The following CCKAR variants were observed in gnomAD, a reference collection of about 807,000 sequenced individuals.
CCKAR encodes cholecystokinin receptor type A.
Under a neutral mutation model 29.8 loss-of-function variants are expected in CCKAR, and 21 were observed. The ratio of observed to expected loss-of-function variants is 0.70; its 90% CI spans 0.50 to 1.01. CCKAR has a LOEUF of 1.01. Among genes scored for constraint, CCKAR ranks in the 50% least tolerant of loss-of-function variants. CCKAR has a pLI of 0.00. For missense variants in CCKAR, 570 were observed against 560.6 expected, an observed-to-expected ratio of 1.02 and a Z score of -0.17; for synonymous variants, 238 against 221.3, an observed-to-expected ratio of 1.08 and a Z score of -0.67.
chr4:26,483,890 T>A (rs1310211619), intron 3 of CCKAR, among the ~76,000 whole-genome samples: 1 of 152,234 alleles, frequency 6.6e-6, no homozygotes, highest in Non-Finnish European at 1.5e-5. Flanking sequence ...GTATACCATT[T>A]GCCAAACAAC....
In CCKAR at chr4:26,489,486, T is replaced by C; in HGVS notation, c.113-2A>G. 6.2e-7 allele frequency: 1 copy of C among 1,613,136 alleles called. No individual in the cohort carries two copies. The highest frequency in any genetic ancestry group is 8.5e-7 in the Non-Finnish European group (1 of 1,179,202). On this transcript the variant is annotated splice_acceptor_variant, in intron 1 of 4. Transcript: ENST00000295589. LOFTEE classifies it high-confidence loss of function. The stretch of plus-strand genomic sequence containing the variant: ...GAATCTGCACCGCTGGCTGCCACTC[T>C]GCAGAGAGAAACAGGAGCAAGACGG...
chr4:26,485,826 G>T lies in CCKAR; in HGVS notation c.437C>A (p.Pro146His). Residue 146 changes from proline to histidine, a missense_variant, in exon 3 of 5, where the codon CCC (proline) becomes CAC (histidine). Pro to His is a moderately conservative substitution (Grantham distance 77). Coordinates refer to ENST00000295589, the MANE Select transcript of CCKAR (RefSeq NM_000730.3). Reference protein sequence around the residue: ...SLERYGAICKPLQSRVWQTKS... With the variant: ...SLERYGAICKHLQSRVWQTKS... ...TGTCTGCCAGACCCGGGACTGTAAG[G>T]GTTTGCAAATCGCACCATATCTCTC... The T allele has an allele frequency of 1.9e-6, 3 of 1,613,898 alleles. No individual in the cohort carries two copies. The highest frequency in any genetic ancestry group is 2.5e-6 in the Non-Finnish European group (3 of 1,179,900).
chr4:26,487,217 C>T (rs1298382953), intron 2 of CCKAR, among the ~76,000 whole-genome samples: 1 of 152,068 alleles, frequency 6.6e-6, no homozygotes, highest in Non-Finnish European at 1.5e-5. Flanking sequence ...CTTAGATTCT[C>T]CTTATTCTTA....
At chr4:26,482,805 G>C (rs966103133) in intron 4 of CCKAR, among the ~76,000 whole-genome samples, 2 of 152,198 alleles carry the variant, frequency 1.3e-5, no homozygotes, top group African/African-American at 4.8e-5. Context: ...AGTACCTTTG[G>C]AGAGACACAA....
In CCKAR at chr4:26,489,488, CAG is replaced by C; in HGVS notation, c.113-6_113-5del. The stretch of plus-strand genomic sequence containing the variant: ...ATCTGCACCGCTGGCTGCCACTCTG[CAG>C]AGAGAAACAGGAGCAAGACGGAGGG... On this transcript the variant is annotated splice_polypyrimidine_tract_variant and splice_region_variant and intron_variant, in intron 1 of 4. Transcript: ENST00000295589. 1 of 1,612,986 alleles carries C rather than the reference CAG, an allele frequency of 6.2e-7. No individual in the cohort carries two copies.
chr4:26,486,310 C>A (rs577491438), intron 2 of CCKAR, among the ~76,000 whole-genome samples: 15 of 152,178 alleles, frequency 9.9e-5, no homozygotes, highest in African/African-American at 3.6e-4. Flanking sequence ...TTTTTAAAAC[C>A]CGAGATTCTC....
At chr4:26,486,706 G>C (rs1737458496) in intron 2 of CCKAR, among the ~76,000 whole-genome samples, 5 of 152,136 alleles carry the variant, frequency 3.3e-5, no homozygotes, top group Admixed American at 3.3e-4. Flanking sequence ...TTGAGGTCAG[G>C]AGCTTGAGAC....
intron 2 of CCKAR, among the ~76,000 whole-genome samples, chr4:26,487,282 G>A (rs1577708391): frequency 6.6e-6 from 1 of 152,242 alleles, no homozygotes; most frequent in African/African-American, 2.4e-5. Context: ...TTTCTAGGGA[G>A]CCTAGCTCTA....
intron 1 of CCKAR, 68 bp from the exon 2 acceptor site, chr4:26,489,552 C>G: frequency 1.3e-6 from 2 of 1,572,172 alleles, no homozygotes; most frequent in Middle Eastern, 3.4e-4. Flanking sequence ...AAACCGAAGC[C>G]AAGGGTGAAT....
intron 2 of CCKAR, among the ~76,000 whole-genome samples, chr4:26,486,881 C>T (rs556811377): frequency 2.8e-4 from 42 of 151,996 alleles, no homozygotes; most frequent in Non-Finnish European, 4.7e-4. Context: ...ACCACTGCAC[C>T]CCAGCCTGGG....
At chr4:26,483,388 C>A in intron 3 of CCKAR, 105 bp from the exon 4 acceptor site, 1 of 1,069,580 alleles carries the variant, frequency 9.3e-7, no homozygotes, top group Admixed American at 2.4e-5. Flanking sequence ...CCTGAGCAAA[C>A]ACATTAATTA....
rs1387560111 is a variant in CCKAR at position 26,490,150 on chromosome 4, A to G, written c.112+6T>C. The stretch of plus-strand genomic sequence containing the variant: ...CTGAATTAAAATAACAGCTTCCGAC[A>G]CTTACCTTTGGAAGGACGGGGCTGA... On this transcript the variant is annotated splice_donor_region_variant and intron_variant, in intron 1 of 4. Transcript: ENST00000295589. The G allele has an allele frequency of 6.3e-7, 1 of 1,593,474 alleles. No homozygotes were observed. The highest frequency in any genetic ancestry group is 1.3e-5 in the African/African-American group (1 of 74,266).
chr4:26,489,620 G>A, intron 1 of CCKAR, 136 bp from the exon 2 acceptor site: 2 of 922,832 alleles, frequency 2.2e-6, no homozygotes, highest in Non-Finnish European at 3.2e-6. Context: ...TTCCTGTCCT[G>A]GCAACATTTT....
chr4:26,484,629 G>C, intron 3 of CCKAR, among the ~76,000 whole-genome samples: 1 of 152,206 alleles, frequency 6.6e-6, no homozygotes, highest in East Asian at 1.9e-4. Context: ...AAAGGAACCA[G>C]TATTAGAAAC....
chr4:26,483,948 T>C (rs1737398744), intron 3 of CCKAR, among the ~76,000 whole-genome samples: 1 of 152,226 alleles, frequency 6.6e-6, no homozygotes, highest in Non-Finnish European at 1.5e-5. Context: ...CTTCTGGGTC[T>C]TACAAAACAT....
chr4:26,489,291 A>T lies in CCKAR; in HGVS notation c.306T>A (p.Asn102Lys), dbSNP rs201475596. 1.2e-6 allele frequency: 2 copies of T among 1,614,116 alleles called. No individual in the cohort carries two copies. The highest frequency in any genetic ancestry group is 1.7e-6 in the Non-Finnish European group (2 of 1,180,008). ...TCCCGAAGATGAAATCCTTGAGCAG[A>T]TTGGGGATGAGGTTGAACGGCATGC... ...LFCMPFNLIP[N>K]LLKDFIFGSA... is the part of the protein sequence containing the mutation. Residue 102 changes from asparagine to lysine, a missense_variant, in exon 2 of 5, where the codon AAT (asparagine) becomes AAA (lysine). By Grantham distance (94) the Asn-to-Lys change is moderately conservative. Coordinates refer to ENST00000295589, the MANE Select transcript of CCKAR (RefSeq NM_000730.3).
At position 26,490,427 on chromosome 4, in the gene CCKAR, C is replaced by T. The variant is rs1345215431; in HGVS notation, c.-160G>A. 2.4e-5 allele frequency: 14 copies of T among 585,158 alleles called. No homozygotes were observed. Among genetic ancestry groups the T allele is most frequent in the South Asian group, 1.9e-4 (10 of 52,234 alleles). 36.2% of individuals were successfully genotyped at this position (585,158 alleles called of 1,614,324 possible). Reference sequence around the variant, plus strand: ...GGGCTTTTTCAGCCATTCCTAAAGGCGACTTGAGTTCACCTCACTCACTCC... The same window carrying T: ...GGGCTTTTTCAGCCATTCCTAAAGGTGACTTGAGTTCACCTCACTCACTCC... On this transcript the variant is annotated 5_prime_UTR_variant, in exon 1 of 5. Coordinates refer to ENST00000295589, the MANE Select transcript of CCKAR (RefSeq NM_000730.3).
rs200750669 is a variant in CCKAR, at chr4:26,482,153, T to G, written c.772A>C (p.Thr258Pro). 1 of 1,609,878 alleles carries G rather than the reference T, an allele frequency of 6.2e-7. No individual in the cohort carries two copies. Among genetic ancestry groups the G allele is most frequent in the Non-Finnish European group, 8.5e-7 (1 of 1,176,914 alleles). The part of the protein sequence containing the change: ...KSAKERKPST[T>P]SSGKYEDSDG... ...CTGTCCTCATATTTGCCGCTGCTGG[T>G]GGTGCTAGGTTTCCTTTCTGGGTGG... The change falls in exon 5 of 5, where the codon ACC (threonine) becomes CCC (proline). Residue 258 changes from threonine to proline, a missense_variant. By Grantham distance (38) the Thr-to-Pro change is conservative (BLOSUM62 -1). Coordinates refer to ENST00000295589, the MANE Select transcript of CCKAR (RefSeq NM_000730.3).
At chr4:26,485,971 T>C in intron 2 of CCKAR, 73 bp from the exon 3 acceptor site, 7 of 1,352,332 alleles carry the variant, frequency 5.2e-6, no homozygotes, top group Non-Finnish European at 7.2e-6. Context: ...AGCTTGAATA[T>C]ATCTGATCTG....
Sources: gnomAD v4.1 joint callset for allele counts (sites outside exome capture counted in the v4.1 genomes callset) on GRCh38, gnomAD v4.1.1 for gene constraint, MANE v1.5 for transcripts, NCBI Gene and HGNC (gene_info 2026-07-23, HGNC 2026-07-21) for gene names.